CPED1: variants seen among roughly 807,000 people sequenced by gnomAD.
The protein encoded by CPED1 is cadherin like and PC-esterase domain containing 1.
Under a neutral mutation model 128.2 loss-of-function variants are expected in CPED1, and 114 were observed. That is an observed-to-expected ratio of 0.89 (90% CI 0.76 to 1.04). The LOEUF (loss-of-function observed/expected upper bound fraction) is 1.04, where lower values mean the gene tolerates loss of function less well. Ranked by LOEUF, CPED1 falls within the 50% of genes least tolerant of loss-of-function variation. CPED1 has a pLI of 0.00. For synonymous variants in CPED1, 462 were observed against 426.7 expected, an observed-to-expected ratio of 1.08 and a Z score of -1.02; for missense variants, 1,211 against 1,207.1, an observed-to-expected ratio of 1.00 and a Z score of -0.05.
intron 11 of CPED1, among the ~76,000 whole-genome samples, chr7:121,128,768 A>G (rs1399285319): frequency 2.0e-5 from 3 of 152,084 alleles, no homozygotes; most frequent in Admixed American, 2.0e-4. Flanking sequence ...AAATGCCAAC[A>G]TTTTTCTGAA....
At chr7:121,261,744 A>G in intron 18 of CPED1, 2 of 1,577,046 alleles carry the variant, frequency 1.3e-6, no homozygotes, top group Admixed American at 3.7e-5. Context: ...ACCTGACTTG[A>G]ATCACCTGGA....
chr7:121,249,035 TCAGAAG>T (rs1798606001), intron 18 of CPED1, among the ~76,000 whole-genome samples: 1 of 152,006 alleles, frequency 6.6e-6, no homozygotes, highest in Non-Finnish European at 1.5e-5. Context: ...CATAATACAA[TCAGAAG>T]TATTAGCAGC....
chr7:121,127,093 C>T lies in CPED1; in HGVS notation c.1138C>T (p.His380Tyr), dbSNP rs1487802353. 15 of 1,584,152 alleles carry T rather than the reference C, an allele frequency of 9.5e-6. No individual in the cohort carries two copies. Among genetic ancestry groups the T allele is most frequent in the Middle Eastern group, 1.7e-4 (1 of 5,830 alleles). The change falls in exon 10 of 23, where the codon CAC becomes TAC. Residue 380 changes from histidine to tyrosine, a missense_variant. His to Tyr is a moderately conservative substitution (Grantham distance 83). Transcript: ENST00000310396. Reference sequence around the variant, plus strand: ...CTGTGCTTTTGTTCTTTCAAAGGTACACGAGCATTTAAATTTTCAAGATTA... The same window carrying T: ...CTGTGCTTTTGTTCTTTCAAAGGTATACGAGCATTTAAATTTTCAAGATTA... The part of the protein sequence containing the change: ...SFMYPVVLQV[H>Y]EHLNFQDYDN...
chr7:121,107,736 G>T (rs998869244), intron 7 of CPED1, among the ~76,000 whole-genome samples: 6 of 152,058 alleles, frequency 3.9e-5, no homozygotes, highest in African/African-American at 1.4e-4. Context: ...TAGAAAAAAA[G>T]TAAGTTTTTA....
intron 2 of CPED1, among the ~76,000 whole-genome samples, chr7:121,012,356 T>C (rs1792180490): frequency 6.6e-6 from 1 of 152,234 alleles, no homozygotes; most frequent in African/African-American, 2.4e-5. Context: ...GAGAGGCAAG[T>C]GAACACTCAG....
chr7:121,099,971 C>T lies in CPED1; in HGVS notation c.795C>T (p.Ala265=), dbSNP rs569709456. The T allele has an allele frequency of 3.5e-5, 56 of 1,613,220 alleles. No individual in the cohort carries two copies. In the South Asian group the frequency reaches 4.4e-4, roughly 13 times the overall value. ...VLAPHETIFR[A]EDLSVILKAY... is the part of the protein sequence containing the mutation. ...CTCCACATGAAACAATCTTTCGAGC[C>T]GAAGATCTATCTGTGATTCTTAAAG... Residue 265 remains alanine (A), a synonymous_variant, in exon 7 of 23, where the codon GCC becomes GCT. Transcript: ENST00000310396.
chr7:121,028,293 T>G (rs1304603768), intron 3 of CPED1, among the ~76,000 whole-genome samples: 1 of 152,128 alleles, frequency 6.6e-6, no homozygotes, highest in Non-Finnish European at 1.5e-5. Context: ...GCTAGTTACT[T>G]TTTTATTATG....
chr7:121,109,378 G>A (rs1224546586), intron 7 of CPED1, among the ~76,000 whole-genome samples: 5 of 152,098 alleles, frequency 3.3e-5, no homozygotes, highest in Non-Finnish European at 7.4e-5. Context: ...AAAACAATTT[G>A]TCCTTTCACT....
chr7:121,224,097 G>A (rs1159533532), intron 16 of CPED1, among the ~76,000 whole-genome samples: 1 of 152,088 alleles, frequency 6.6e-6, no homozygotes, highest in Non-Finnish European at 1.5e-5. Context: ...TGGGCATTTA[G>A]TGCTATAAAT....
chr7:121,277,376 A>G (rs1181934949), intron 22 of CPED1, among the ~76,000 whole-genome samples: 1 of 152,106 alleles, frequency 6.6e-6, no homozygotes, highest in Non-Finnish European at 1.5e-5. Flanking sequence ...AGGGACTGGT[A>G]GGGATGAGAG....
At position 121,127,094 on chromosome 7, in the gene CPED1, A is replaced by G. The variant is rs1167867368; in HGVS notation, c.1139A>G (p.His380Arg). The change falls in exon 10 of 23, where the codon CAC (histidine) becomes CGC (arginine). Residue 380 changes from histidine to arginine, a missense_variant. Coordinates refer to ENST00000310396, the MANE Select transcript of CPED1 (RefSeq NM_024913.5). ...TGTGCTTTTGTTCTTTCAAAGGTACACGAGCATTTAAATTTTCAAGATTAT... is the reference window on the plus strand; with the variant it reads ...TGTGCTTTTGTTCTTTCAAAGGTACGCGAGCATTTAAATTTTCAAGATTAT... ...SFMYPVVLQV[H>R]EHLNFQDYDN... 2 of 1,586,770 alleles carry G rather than the reference A, an allele frequency of 1.3e-6. No individual in the cohort carries two copies. Among genetic ancestry groups the G allele is most frequent in the Non-Finnish European group, 1.7e-6 (2 of 1,168,756 alleles).
chr7:121,067,571 C>A (rs558835634), intron 5 of CPED1, among the ~76,000 whole-genome samples: 1 of 152,318 alleles, frequency 6.6e-6, no homozygotes, highest in Non-Finnish European at 1.5e-5. Flanking sequence ...CCGCAAAAAA[C>A]ATACGTGTGC....
intron 3 of CPED1, among the ~76,000 whole-genome samples, chr7:121,028,380 C>T (rs1236270292): frequency 1.3e-5 from 2 of 152,188 alleles, no homozygotes; most frequent in African/African-American, 4.8e-5. Flanking sequence ...CCAAACAATT[C>T]CTCATTTGCC....
intron 3 of CPED1, among the ~76,000 whole-genome samples, chr7:121,037,141 A>C (rs867174459): frequency 6.6e-6 from 1 of 152,134 alleles, no homozygotes; most frequent in African/African-American, 2.4e-5. Flanking sequence ...TTTTTAGTTT[A>C]ATTAAGTCCC....
intron 16 of CPED1, among the ~76,000 whole-genome samples, chr7:121,218,708 G>A (rs190221981): frequency 4.7e-4 from 72 of 152,088 alleles, no homozygotes; most frequent in Admixed American, 4.6e-3. Flanking sequence ...GACTGTCAGG[G>A]GACATGGGGC....
intron 2 of CPED1, among the ~76,000 whole-genome samples, chr7:121,011,298 T>C (rs1792159806): frequency 6.6e-6 from 1 of 152,206 alleles, no homozygotes; most frequent in Non-Finnish European, 1.5e-5. Context: ...TAAAGATTTT[T>C]AAATGTGTAA....
At chr7:121,086,088 G>A (rs920145514) in intron 5 of CPED1, among the ~76,000 whole-genome samples, 3 of 152,168 alleles carry the variant, frequency 2.0e-5, no homozygotes, top group Non-Finnish European at 4.4e-5. Context: ...TGCTTAATCT[G>A]TCTTCTTCAG....
intron 2 of CPED1, among the ~76,000 whole-genome samples, chr7:120,996,001 G>T (rs1271717657): frequency 1.3e-5 from 2 of 150,908 alleles, no homozygotes; most frequent in African/African-American, 4.9e-5. Flanking sequence ...CAATAACTCT[G>T]GGAGTGGTGG....
At chr7:121,078,248 T>C (rs767444782) in intron 5 of CPED1, among the ~76,000 whole-genome samples, 13 of 152,138 alleles carry the variant, frequency 8.5e-5, no homozygotes, top group Non-Finnish European at 1.5e-4. Flanking sequence ...TTTCATCATG[T>C]TGGCCAGGGT....
Sources: gnomAD v4.1 joint callset for allele counts (sites outside exome capture counted in the v4.1 genomes callset) on GRCh38, gnomAD v4.1.1 for gene constraint, MANE v1.5 for transcripts, NCBI Gene and HGNC (gene_info 2026-07-23, HGNC 2026-07-21) for gene names.